The following PTPRT variants were observed in gnomAD, a reference collection of about 807,000 sequenced individuals.
PTPRT encodes protein tyrosine phosphatase receptor type T, also known as receptor-type tyrosine-protein phosphatase T.
A neutral mutation model predicts 176.8 loss-of-function variants in PTPRT; 56 were observed. The ratio of observed to expected loss-of-function variants is 0.32; its 90% confidence interval spans 0.26 to 0.40. The LOEUF (loss-of-function observed/expected upper bound fraction) is 0.40, where lower values mean the gene tolerates loss of function less well. PTPRT is among the 10% of genes least tolerant of loss of function. The pLI is 1.00. For synonymous variants in PTPRT, 783 were observed against 739.0 expected (o/e 1.06, Z -0.96); for missense variants, 1,540 against 1,908.2 (o/e 0.81, Z 3.60).
chr20:42,154,509 C>G (rs1989267048), intron 17 of PTPRT, among the ~76,000 whole-genome samples: 1 of 152,216 alleles, frequency 6.6e-6, no homozygotes, highest in Non-Finnish European at 1.5e-5. Flanking sequence ...AATGTTTGCT[C>G]TTCATTAGGC....
the PTPRT span, among the ~76,000 whole-genome samples, chr20:42,053,657 C>T: frequency 1.3e-5 from 2 of 152,318 alleles, no homozygotes; most frequent in African/African-American, 4.8e-5. Flanking sequence ...GTCTTGCAAA[C>T]AAACCCACCT....
chr20:42,816,680 G>A (rs1213792119), intron 2 of PTPRT, among the ~76,000 whole-genome samples: 1 of 152,164 alleles, frequency 6.6e-6, no homozygotes, highest in Non-Finnish European at 1.5e-5. Flanking sequence ...CTGGTAAGAA[G>A]GTGCCTGCTT....
rs145818587 is a variant in PTPRT, at chr20:42,081,846, C to T, written c.4272+36G>A. ...TCTCCAGGTCAAGGGAACTAGTCAG[C>T]CCTGGCTGTTGGAGAACAGTCCTTG... is the stretch of plus-strand genomic sequence containing the variant. On this transcript the variant is annotated intron_variant, in intron 30 of 30. Coordinates refer to ENST00000373187, the MANE Select transcript of PTPRT (RefSeq NM_007050.6). The T allele has an allele frequency of 2.4e-4, 392 of 1,611,522 alleles. 1 individual carries two copies. In the African/African-American group the frequency reaches 4.8e-3, roughly 20 times the overall value.
At chr20:43,059,313 G>A (rs1476287157) in intron 1 of PTPRT, among the ~76,000 whole-genome samples, 1 of 151,992 alleles carries the variant, frequency 6.6e-6, no homozygotes, top group Non-Finnish European at 1.5e-5. Context: ...TCATTTTTGA[G>A]TCATTTCTCT....
chr20:42,677,656 C>T (rs1280222417), intron 7 of PTPRT, among the ~76,000 whole-genome samples: 3 of 151,986 alleles, frequency 2.0e-5, no homozygotes, highest in Admixed American at 6.6e-5. Context: ...GCTAGAAAGC[C>T]CCTAGAAATG....
At position 42,397,544 on chromosome 20, in the gene PTPRT, G is replaced by A. The variant is rs550120197; in HGVS notation, c.1561-45259C>T. Among the ~76,000 whole-genome samples the A allele has an allele frequency of 1.8e-4, 28 of 152,294 alleles. No homozygotes were observed. In the South Asian group the frequency reaches 5.8e-3, roughly 32 times the overall value. ...CAATGTTTAGCTCCCATTTATAAGT[G>A]AGAACATTTTCTGTTTCTGTGTTAG... On this transcript the variant is annotated intron_variant, in intron 9 of 30. Coordinates refer to ENST00000373187, the MANE Select transcript of PTPRT (RefSeq NM_007050.6).
intron 2 of PTPRT, among the ~76,000 whole-genome samples, chr20:42,844,332 G>A (rs2078331000): frequency 6.6e-6 from 1 of 152,142 alleles, no homozygotes; most frequent in South Asian, 2.1e-4. Flanking sequence ...AAGGCATGAA[G>A]AGAAAAATGA....
At chr20:42,448,139 A>T in intron 9 of PTPRT, 81 bp downstream of exon 9, 1 of 1,074,772 alleles carries the variant, frequency 9.3e-7, no homozygotes, top group Admixed American at 1.7e-5. Context: ...TACGTTCAGC[A>T]GAATGGGTAT....
At chr20:42,649,571 G>A (rs2074991080) in intron 7 of PTPRT, among the ~76,000 whole-genome samples, 1 of 152,158 alleles carries the variant, frequency 6.6e-6, no homozygotes, top group African/African-American at 2.4e-5. Flanking sequence ...TTTATGTGGT[G>A]AAAGTCCATC....
chr20:42,601,119 T>C lies in PTPRT; in HGVS notation c.1153+76747A>G, dbSNP rs146273252. On this transcript the variant is annotated intron_variant, in intron 7 of 30. Coordinates refer to ENST00000373187, the MANE Select transcript of PTPRT (RefSeq NM_007050.6). ...TCCCCACATCTACCATGTTATGTAC[T>C]AGTGAGTGGTAGCTCCCGCCTGATA... 5.0e-3 allele frequency among the ~76,000 whole-genome samples: 767 copies of C among 152,332 alleles called. 4 individuals are homozygous for C. The highest frequency in any genetic ancestry group is 0.014 in the Middle Eastern group (4 of 294).
intron 8 of PTPRT, among the ~76,000 whole-genome samples, chr20:42,455,711 G>A (rs1426810701): frequency 2.0e-5 from 3 of 152,046 alleles, no homozygotes; most frequent in African/African-American, 7.2e-5. Flanking sequence ...CAGTTGATTT[G>A]CCTGATAATT....
At chr20:42,737,128 G>A (rs1260390558) in intron 6 of PTPRT, among the ~76,000 whole-genome samples, 2 of 152,138 alleles carry the variant, frequency 1.3e-5, no homozygotes, top group Non-Finnish European at 2.9e-5. Flanking sequence ...TTGGAAATAG[G>A]GTCTTTGTAG....
chr20:42,376,446 T>C (rs73119319), intron 9 of PTPRT, among the ~76,000 whole-genome samples: 13,239 of 152,242 alleles, frequency 0.087, 732 homozygotes, highest in African/African-American at 0.14. Context: ...GAGACATGTC[T>C]TCTGTTCCAT....
chr20:42,106,652 A>T, intron 24 of PTPRT, 134 bp downstream of exon 24: 1 of 1,212,516 alleles, frequency 8.2e-7, no homozygotes, highest in Non-Finnish European at 1.2e-6. Flanking sequence ...CCACGTGTCT[A>T]CTCCCTCCTG....
chr20:42,805,513 C>T (rs983595987), intron 2 of PTPRT, among the ~76,000 whole-genome samples: 3 of 152,102 alleles, frequency 2.0e-5, no homozygotes, highest in African/African-American at 7.2e-5. Context: ...TTGTAGGCCC[C>T]GGGAGTACAG....
At chr20:42,332,746 T>A (rs1271823554) in intron 11 of PTPRT, among the ~76,000 whole-genome samples, 1 of 152,192 alleles carries the variant, frequency 6.6e-6, no homozygotes, top group African/African-American at 2.4e-5. Context: ...AAACTAGAAT[T>A]TGGAAAACTT....
At chr20:43,096,319 T>C (rs987055563) in intron 1 of PTPRT, among the ~76,000 whole-genome samples, 4 of 152,140 alleles carry the variant, frequency 2.6e-5, no homozygotes, top group African/African-American at 9.7e-5. Flanking sequence ...TCATTTGCCT[T>C]CTCTTCTTAA....
At chr20:42,213,318 AC>A (rs1385735575) in intron 15 of PTPRT, among the ~76,000 whole-genome samples, 1 of 79,706 alleles carries the variant, frequency 1.3e-5, no homozygotes, top group East Asian at 4.4e-4. Context: ...AAGGTAAGAG[AC>A]CCGGGTGCCG....
At chr20:42,912,211 A>G (rs954159511) in intron 1 of PTPRT, among the ~76,000 whole-genome samples, 12 of 152,130 alleles carry the variant, frequency 7.9e-5, no homozygotes, top group African/African-American at 2.7e-4. Flanking sequence ...CCTCACTAGT[A>G]CTAAGTATCA....
Sources: gnomAD v4.1 joint callset for allele counts (sites outside exome capture counted in the v4.1 genomes callset) on GRCh38, gnomAD v4.1.1 for gene constraint, MANE v1.5 for transcripts, NCBI Gene and HGNC (gene_info 2026-07-23, HGNC 2026-07-21) for gene names.